The following FBN2 variants were observed in gnomAD, a reference collection of about 807,000 sequenced individuals.
FBN2 encodes the protein fibrillin 2.
In FBN2, 105 loss-of-function variants were observed where a neutral mutation model predicts 355.6. That is an observed-to-expected ratio of 0.30 (90% confidence interval 0.25 to 0.35). The LOEUF (loss-of-function observed/expected upper bound fraction) is 0.35, where lower values mean the gene tolerates loss of function less well. Ranked by LOEUF, FBN2 falls within the 10% of genes least tolerant of loss-of-function variation. The pLI is 1.00. For synonymous variants in FBN2, 1,350 were observed against 1,301.2 expected (o/e 1.04, Z -0.81); for missense variants, 3,280 against 3,758.7 (o/e 0.87, Z 3.33).
chr5:128,373,468 C>T (rs1467581791), intron 15 of FBN2, among the ~76,000 whole-genome samples: 1 of 152,148 alleles, frequency 6.6e-6, no homozygotes, highest in Non-Finnish European at 1.5e-5. Flanking sequence ...TGCAAATTCT[C>T]TACTTCTTCT....
At chr5:128,333,435 T>C (rs1258200420) in intron 31 of FBN2, among the ~76,000 whole-genome samples, 2 of 152,176 alleles carry the variant, frequency 1.3e-5, no homozygotes, top group Admixed American at 6.5e-5. Flanking sequence ...CCTATTGATA[T>C]TTATTACATA....
At chr5:128,520,950 A>G (rs1364187720) in intron 4 of FBN2, among the ~76,000 whole-genome samples, 6 of 152,174 alleles carry the variant, frequency 3.9e-5, no homozygotes, top group African/African-American at 7.2e-5. Flanking sequence ...GGCCACGGGG[A>G]ACATGAAAAA....
rs1321194875 is a variant in FBN2, at chr5:128,353,130, T to C, written c.2675-2125A>G. ...AGAGGCTGCAGTGAGATCGTGTCAC[T>C]GTATTCTAGCCTGGGTGACACAGTG... On this transcript the variant is annotated intron_variant, in intron 20 of 64. Transcript: ENST00000262464. Among the ~76,000 whole-genome samples the C allele has an allele frequency of 2.0e-5, 3 of 151,728 alleles. No individual in the cohort carries two copies. In the East Asian group the frequency reaches 5.8e-4, roughly 29 times the overall value.
chr5:128,399,547 T>C (rs536480097), intron 8 of FBN2, among the ~76,000 whole-genome samples: 1 of 152,076 alleles, frequency 6.6e-6, no homozygotes, highest in African/African-American at 2.4e-5. Flanking sequence ...AATGGAAGGT[T>C]TGAGATGCAG....
chr5:128,278,458 A>G (rs1765450022), intron 57 of FBN2, among the ~76,000 whole-genome samples, 177 bp downstream of exon 57: 2 of 152,244 alleles, frequency 1.3e-5, no homozygotes, highest in Admixed American at 1.3e-4. Flanking sequence ...AAGCATTAGC[A>G]AAGATTATTC....
chr5:128,405,536 G>A lies in FBN2; in HGVS notation c.1078+3138C>T, dbSNP rs10057797. ...CCCACCTTAGTAAATCATTAGGTACGTTGGTCTTATCTGAATAAAATGAGG... is the reference window on the plus strand; with the variant it reads ...CCCACCTTAGTAAATCATTAGGTACATTGGTCTTATCTGAATAAAATGAGG... On this transcript the variant is annotated intron_variant, in intron 8 of 64. Coordinates refer to ENST00000262464, the MANE Select transcript of FBN2 (RefSeq NM_001999.4). Among the ~76,000 whole-genome samples the A allele has an allele frequency of 3.2e-3, 486 of 152,272 alleles. 2 individuals carry two copies. The highest frequency in any genetic ancestry group is 0.011 in the African/African-American group (469 of 41,556).
chr5:128,414,289 T>C (rs752359492), intron 7 of FBN2, among the ~76,000 whole-genome samples: 1 of 152,156 alleles, frequency 6.6e-6, no homozygotes, highest in African/African-American at 2.4e-5. Flanking sequence ...ATTCCTCCTA[T>C]TCCTCTCCAA....
At position 128,348,165 on chromosome 5, in the gene FBN2, A is replaced by G. The variant is rs77260684; in HGVS notation, c.2989+1182T>C. 2.4e-3 allele frequency among the ~76,000 whole-genome samples: 365 copies of G among 152,356 alleles called. 3 individuals are homozygous for G. The highest frequency in any genetic ancestry group is 8.3e-3 in the African/African-American group (345 of 41,580). The stretch of plus-strand genomic sequence containing the variant: ...TCAATGATATATCTTCATATATTAT[A>G]GCATTTCATTATAGAAGGTAACTTG... On this transcript the variant is annotated intron_variant, in intron 23 of 64. Transcript: ENST00000262464.
intron 45 of FBN2, among the ~76,000 whole-genome samples, chr5:128,304,446 C>T (rs184277535): frequency 6.6e-6 from 1 of 152,296 alleles, no homozygotes; most frequent in East Asian, 1.9e-4. Context: ...ATATTTGCTC[C>T]TAAAGCTATT....
chr5:128,274,220 T>A (rs559474845), intron 60 of FBN2, among the ~76,000 whole-genome samples: 1 of 152,324 alleles, frequency 6.6e-6, no homozygotes, highest in African/African-American at 2.4e-5. Flanking sequence ...CCTTAACATG[T>A]GTCTTCTAAA....
intron 48 of FBN2, among the ~76,000 whole-genome samples, chr5:128,299,702 A>G (rs1222891953): frequency 1.3e-5 from 2 of 152,104 alleles, no homozygotes; most frequent in Non-Finnish European, 2.9e-5. Flanking sequence ...GCATGCACCC[A>G]CTGACCTGCG....
chr5:128,286,848 A>G lies in FBN2; in HGVS notation c.6882T>C (p.Asp2294=). The G allele has an allele frequency of 1.2e-6, 2 of 1,613,988 alleles. No homozygotes were observed. Among genetic ancestry groups the G allele is most frequent in the Admixed American group, 1.7e-5 (1 of 60,012 alleles). The stretch of plus-strand genomic sequence containing the variant: ...GTAACCCTTCAGCACATTCATCCAG[A>G]TCTAGAACAAAAAATAAAAATTAAA... ...ALREDQKMCK[D]LDECAEGLHD... Residue 2294 remains aspartate, a splice_region_variant and synonymous_variant, in exon 55 of 65, where the codon GAT becomes GAC. Coordinates refer to ENST00000262464, the MANE Select transcript of FBN2 (RefSeq NM_001999.4).
chr5:128,413,059 A>G (rs1464967291), intron 7 of FBN2, among the ~76,000 whole-genome samples: 1 of 152,226 alleles, frequency 6.6e-6, no homozygotes, highest in Admixed American at 6.5e-5. Flanking sequence ...CATGTTTTAC[A>G]GTTAAGTTGA....
chr5:128,393,325 T>A lies in FBN2; in HGVS notation c.1275A>T (p.Gly425=), dbSNP rs1453858339. 10 of 1,614,126 alleles carry A rather than the reference T, an allele frequency of 6.2e-6. No individual in the cohort carries two copies. The highest frequency in any genetic ancestry group is 7.6e-6 in the Non-Finnish European group (9 of 1,180,018). Residue 425 remains glycine (G), a synonymous_variant, in exon 10 of 65, where the codon GGA becomes GGT. Coordinates refer to ENST00000262464, the MANE Select transcript of FBN2 (RefSeq NM_001999.4). ...RLCMDGLPMG[G]IPGSAGSRPG... Reference sequence around the variant, plus strand: ...GTCTGGAACCAGCACTCCCTGGAATTCCTCCCATTGGAAGTCCATCCATGC... The same window carrying A: ...GTCTGGAACCAGCACTCCCTGGAATACCTCCCATTGGAAGTCCATCCATGC...
intron 32 of FBN2, among the ~76,000 whole-genome samples, chr5:128,330,976 A>G (rs949466881): frequency 1.3e-5 from 2 of 152,080 alleles, no homozygotes; most frequent in African/African-American, 2.4e-5. Context: ...TCTGACTTCT[A>G]CTGAGGGTGA....
At chr5:128,477,912 C>T (rs1479179033) in intron 5 of FBN2, among the ~76,000 whole-genome samples, 2 of 152,156 alleles carry the variant, frequency 1.3e-5, no homozygotes, top group African/African-American at 2.4e-5. Context: ...AAGACTGTAA[C>T]CGTTTTATTC....
chr5:128,482,103 A>G (rs1755209334), intron 5 of FBN2, among the ~76,000 whole-genome samples: 1 of 152,124 alleles, frequency 6.6e-6, no homozygotes, highest in Non-Finnish European at 1.5e-5. Context: ...CTAAAGCTGA[A>G]CTCTCAACAA....
chr5:128,372,573 C>T (rs1019669718), intron 15 of FBN2, among the ~76,000 whole-genome samples: 5 of 152,100 alleles, frequency 3.3e-5, no homozygotes, highest in African/African-American at 7.2e-5. Flanking sequence ...CTCACTGTAA[C>T]CTCCACCTCC....
chr5:128,333,227 C>T (rs1369963494), intron 31 of FBN2, among the ~76,000 whole-genome samples, 193 bp from the exon 32 acceptor site: 2 of 152,120 alleles, frequency 1.3e-5, no homozygotes, highest in South Asian at 2.1e-4. Context: ...CCTAATAAAA[C>T]AAGTTCTTCC....
Sources: allele counts gnomAD v4.1 joint callset (sites outside exome capture counted in the v4.1 genomes callset), GRCh38; gene constraint gnomAD v4.1.1; transcripts MANE v1.5; gene names NCBI Gene and HGNC (gene_info 2026-07-23, HGNC 2026-07-21).